The following FBXO41 variants were observed in gnomAD, a reference collection of about 807,000 sequenced individuals.
The protein encoded by FBXO41 is F-box protein 41.
Under a neutral mutation model 81.6 loss-of-function variants are expected in FBXO41, and 33 were observed. The ratio of observed to expected loss-of-function variants is 0.40; its 90% confidence interval spans 0.31 to 0.54. The LOEUF is 0.54. Among genes scored for constraint, FBXO41 ranks in the 20% least tolerant of loss-of-function variants. The pLI, the probability that FBXO41 is intolerant of heterozygous loss-of-function variation, is 0.39. For missense variants in FBXO41, 1,107 were observed against 1,236.0 expected, an observed-to-expected ratio of 0.90 and a Z score of 1.56; for synonymous variants, 576 against 552.7, an observed-to-expected ratio of 1.04 and a Z score of -0.59.
intron 9 of FBXO41, among the ~76,000 whole-genome samples, chr2:73,262,988 G>A (rs982074940): frequency 1.8e-4 from 27 of 152,154 alleles, no homozygotes; most frequent in African/African-American, 5.3e-4. Context: ...CAGGTGATCC[G>A]CCCGACTCAG....
chr2:73,260,569 A>T lies in FBXO41; in HGVS notation c.2291-22T>A, dbSNP rs766086813. 1 of 1,571,480 alleles carries T rather than the reference A, an allele frequency of 6.4e-7. No individual in the cohort carries two copies. ...CTCGCTAGGAAGAGGAAGAAGGGGG[A>T]TCCTGCTGACACACTCCCCAGGTCA... On this transcript the variant is annotated intron_variant, in intron 10 of 12. Coordinates refer to ENST00000520530, the MANE Select transcript of FBXO41 (RefSeq NM_001371389.2). The surrounding 1 kb of genome is among the most constrained non-coding windows in gnomAD (Gnocchi z 5.0).
rs1687759914 is a variant in FBXO41, at chr2:73,255,137, G to C, written c.*3845C>G. On this transcript the variant is annotated 3_prime_UTR_variant, in exon 13 of 13. Coordinates refer to ENST00000520530, the MANE Select transcript of FBXO41 (RefSeq NM_001371389.2). ...TGCCCTGGATACAAGACCCTTGTCA[G>C]GGCAGAGCTGAGGCTGGCAAGCCCA... The C allele has an allele frequency of 6.5e-6, 1 of 152,704 alleles. No individual in the cohort carries two copies. The highest frequency in any genetic ancestry group is 2.1e-4 in the South Asian group (1 of 4,838). The allele number at this position is 152,704 out of a possible 1,614,324, so 9.5% of individuals were successfully genotyped here. A position where few individuals can be genotyped will look rare whatever the true frequency, so the allele number is the denominator to read the frequency against.
rs370166126 is a variant in FBXO41 at position 73,258,967 on chromosome 2, C to T, written c.*15G>A. On this transcript the variant is annotated 3_prime_UTR_variant, in exon 13 of 13. Coordinates refer to ENST00000520530, the MANE Select transcript of FBXO41 (RefSeq NM_001371389.2). ...GGTGTGGGGCTGGCAGGGGCCCTGC[C>T]GCCCCCTACCCGGGTTAGCAGCCGC... The T allele has an allele frequency of 1.9e-5, 29 of 1,563,180 alleles. 1 individual carries two copies. Among genetic ancestry groups the T allele is most frequent in the South Asian group, 2.4e-5 (2 of 84,698 alleles).
At chr2:73,262,247 G>T (rs976572341) in intron 9 of FBXO41, among the ~76,000 whole-genome samples, 1 of 147,940 alleles carries the variant, frequency 6.8e-6, no homozygotes, top group Non-Finnish European at 1.5e-5. Context: ...AAAAAAAAAA[G>T]AAATTATTGC....
intron 9 of FBXO41, among the ~76,000 whole-genome samples, chr2:73,261,894 C>T (rs1220554735): frequency 6.6e-6 from 1 of 152,172 alleles, no homozygotes; most frequent in Non-Finnish European, 1.5e-5. Flanking sequence ...TGAGAACAAC[C>T]CATCTGGTGG....
rs1238079701 is a variant in FBXO41, at chr2:73,269,097, G to A, written c.534C>T (p.Gly178=). The A allele has an allele frequency of 1.3e-6, 2 of 1,503,840 alleles. No individual in the cohort carries two copies. Among genetic ancestry groups the A allele is most frequent in the Non-Finnish European group, 1.8e-6 (2 of 1,134,652 alleles). 93.2% of individuals were successfully genotyped at this position (1,503,840 alleles called of 1,614,324 possible). ...AAGCGGAGGCAGGCCCGGGGCAAGG[G>A]CCGGGGCCGGGGCCAGGCGGCGGCG... ...CSTPPPGPGP[G]PCPGPASASP... Residue 178 remains glycine, a synonymous_variant, in exon 2 of 13, where the codon GGC becomes GGT. Transcript: ENST00000520530. The surrounding 1 kb of genome is among the most constrained non-coding windows in gnomAD (Gnocchi z 7.0).
chr2:73,272,612 C>G (rs1688571996), intron 1 of FBXO41, among the ~76,000 whole-genome samples: 1 of 152,146 alleles, frequency 6.6e-6, no homozygotes, highest in Non-Finnish European at 1.5e-5. Context: ...GACCTTTTGC[C>G]TCCCTCCCCA....
At position 73,269,119 on chromosome 2, in the gene FBXO41, G is replaced by A; in HGVS notation, c.512C>T (p.Pro171Leu). ...KSVASSACST[P>L]PPGPGPGPCP... ...AGGGCCGGGGCCGGGGCCAGGCGGC[G>A]GCGTCGAGCACGCCGAGGACGCCAC... Residue 171 changes from proline to leucine, a missense_variant, in exon 2 of 13, where the codon CCG becomes CTG. This residue lies in a region of FBXO41 where 771 missense variants were observed against 789.2 expected (regional missense o/e 0.98). Coordinates refer to ENST00000520530, the MANE Select transcript of FBXO41 (RefSeq NM_001371389.2). This position sits in a 1 kb window ranked among gnomAD's most constrained non-coding sequence, Gnocchi z 7.0. 6.6e-7 allele frequency: 1 copy of A among 1,511,442 alleles called. No homozygotes were observed. Among genetic ancestry groups the A allele is most frequent in the South Asian group, 1.2e-5 (1 of 80,662 alleles). 93.6% of individuals were successfully genotyped at this position (1,511,442 alleles called of 1,614,324 possible). A position where few individuals can be genotyped will look rare whatever the true frequency, so the allele number is the denominator to read the frequency against.
intron 1 of FBXO41, chr2:73,272,451 G>A (rs1346634858): frequency 6.6e-6 from 1 of 152,262 alleles, no homozygotes; most frequent in African/African-American, 2.4e-5. Context: ...AAAGAGGCTG[G>A]GAACTAAGAG....
intron 1 of FBXO41, among the ~76,000 whole-genome samples, chr2:73,277,796 T>G (rs1396791351): frequency 1.3e-5 from 2 of 152,264 alleles, no homozygotes; most frequent in Non-Finnish European, 2.9e-5. Flanking sequence ...CTTGCATTTC[T>G]ATGGCTTCCA....
Position 73,268,898 on chromosome 2 carries a change from C to T in FBXO41, c.733G>A (p.Ala245Thr). 1 of 1,549,888 alleles carries T rather than the reference C, an allele frequency of 6.5e-7. No individual in the cohort carries two copies. The highest frequency in any genetic ancestry group is 1.9e-5 in the Admixed American group (1 of 51,866). ...GRLQAELERK[A>T]AELETARQES... ...TGCCGCGCAGTCTCCAGTTCGGCCG[C>T]CTTGCGCTCCAGCTCGGCCTGCAGC... Residue 245 changes from alanine to threonine, a missense_variant, in exon 2 of 13, where the codon GCG becomes ACG. By Grantham distance (58) the Ala-to-Thr change is moderately conservative. Around this residue, in one of 2 missense-constraint regions of FBXO41, gnomAD observed 771 missense variants for 789.2 expected, o/e 0.98. Transcript: ENST00000520530.
intron 1 of FBXO41, among the ~76,000 whole-genome samples, chr2:73,276,530 C>G (rs1244059523): frequency 8.1e-6 from 1 of 123,964 alleles, no homozygotes; most frequent in African/African-American, 3.1e-5. Flanking sequence ...AAAAGACCAG[C>G]AAAATAAACA....
chr2:73,271,452 A>G, intron 1 of FBXO41: 1 of 153,874 alleles, frequency 6.5e-6, no homozygotes, highest in Non-Finnish European at 1.4e-5. Flanking sequence ...CAGGTTTCTA[A>G]GCTGATGGAG....
chr2:73,266,036 G>C lies in FBXO41; in HGVS notation c.1132-70C>G. ...GCAAGAGGATGAGCAGGAATAGCAG[G>C]GGAAACAGGGCAAAAGATGGAGAGG... On this transcript the variant is annotated intron_variant, in intron 3 of 12. Transcript: ENST00000520530. This position sits in a 1 kb window ranked among gnomAD's most constrained non-coding sequence, Gnocchi z 5.3. The C allele has an allele frequency of 1.5e-6, 2 of 1,368,610 alleles. No homozygotes were observed. The highest frequency in any genetic ancestry group is 2.0e-6 in the Non-Finnish European group (2 of 983,982). 84.8% of individuals were successfully genotyped at this position (1,368,610 alleles called of 1,614,324 possible). A position where few individuals can be genotyped will look rare whatever the true frequency, so the allele number is the denominator to read the frequency against.
intron 1 of FBXO41, chr2:73,271,623 T>TCC (rs33963024): frequency 0.018 from 1,915 of 107,464 alleles, 147 homozygotes; most frequent in Non-Finnish European, 0.022. Flanking sequence ...AATTCTGCAC[T>TCC]CCCCCCCCCC....
At chr2:73,264,605 T>G (rs1688162033) in intron 5 of FBXO41, 86 bp from the exon 6 acceptor site, 10 of 1,563,264 alleles carry the variant, frequency 6.4e-6, no homozygotes, top group Non-Finnish European at 8.6e-6. Flanking sequence ...CAGGGTAGGA[T>G]CTGCAGAGGA....
chr2:73,277,375 A>C (rs1426133093), intron 1 of FBXO41, among the ~76,000 whole-genome samples: 1 of 152,198 alleles, frequency 6.6e-6, no homozygotes, highest in African/African-American at 2.4e-5. Flanking sequence ...CAGCAGGAAA[A>C]AGGAAAACAG....
chr2:73,274,912 G>C (rs575826787), intron 1 of FBXO41, among the ~76,000 whole-genome samples: 1 of 148,520 alleles, frequency 6.7e-6, no homozygotes, highest in South Asian at 2.1e-4. Context: ...ACGGAGTATC[G>C]CTCTGTCGCC....
At chr2:73,265,735 C>G (rs1254478674) in intron 4 of FBXO41, 95 bp from the exon 5 acceptor site, 15 of 1,430,908 alleles carry the variant, frequency 1.0e-5, no homozygotes, top group Non-Finnish European at 1.3e-5. Context: ...GGCAACCCAC[C>G]CGCCCTGCTT....
Sources: allele counts gnomAD v4.1 joint callset (sites outside exome capture counted in the v4.1 genomes callset), GRCh38; gene constraint gnomAD v4.1.1; regional missense constraint gnomAD v4.1.1; non-coding constraint Gnocchi (gnomAD v3.1); transcripts MANE v1.5; gene names NCBI Gene and HGNC (gene_info 2026-07-23, HGNC 2026-07-21).